TMTC2: variants seen among roughly 807,000 people sequenced by gnomAD.
TMTC2 encodes protein O-mannosyl-transferase TMTC2.
Under a neutral mutation model 82.4 loss-of-function variants are expected in TMTC2, and 43 were observed. The observed-to-expected ratio is 0.52, with a 90% CI of 0.41 to 0.67. The LOEUF (loss-of-function observed/expected upper bound fraction) is 0.67, where lower values mean the gene tolerates loss of function less well. Ranked by LOEUF, TMTC2 falls within the 30% of genes least tolerant of loss-of-function variation. The pLI, the probability that TMTC2 is intolerant of heterozygous loss-of-function variation, is 0.00. For missense variants in TMTC2, 919 were observed against 1,012.4 expected (o/e 0.91, Z 1.25); for synonymous variants, 408 against 381.9 (o/e 1.07, Z -0.80).
intron 9 of TMTC2, among the ~76,000 whole-genome samples, chr12:83,035,552 G>T (rs147979306): frequency 1.3e-5 from 2 of 152,158 alleles, no homozygotes; most frequent in Non-Finnish European, 2.9e-5. Context: ...TAAGGAATGC[G>T]TAGAAAATAG....
chr12:82,917,565 C>G (rs1374488613), intron 3 of TMTC2, among the ~76,000 whole-genome samples: 6 of 152,012 alleles, frequency 3.9e-5, no homozygotes, highest in Admixed American at 2.0e-4. Flanking sequence ...TATGCATACA[C>G]AAGTCTAGCT....
intron 1 of TMTC2, among the ~76,000 whole-genome samples, chr12:82,702,335 C>T (rs1396020947): frequency 1.3e-5 from 2 of 151,938 alleles, no homozygotes; most frequent in Admixed American, 1.3e-4. Flanking sequence ...AAGTGGAAAG[C>T]TCCTAAAAAG....
At chr12:82,972,284 C>A (rs1156784637) in intron 7 of TMTC2, among the ~76,000 whole-genome samples, 1 of 151,968 alleles carries the variant, frequency 6.6e-6, no homozygotes, top group Non-Finnish European at 1.5e-5. Flanking sequence ...TTATGATAAT[C>A]TCTTGTTTTA....
intron 1 of TMTC2, among the ~76,000 whole-genome samples, chr12:82,789,699 C>T (rs1878362495): frequency 6.6e-6 from 1 of 152,120 alleles, no homozygotes; most frequent in Non-Finnish European, 1.5e-5. Context: ...AGGAAGAATC[C>T]TAACTGATGG....
At chr12:82,788,695 C>G (rs973269181) in intron 1 of TMTC2, among the ~76,000 whole-genome samples, 2 of 152,166 alleles carry the variant, frequency 1.3e-5, no homozygotes, top group African/African-American at 4.8e-5. Context: ...CTTTTCATCT[C>G]TGGAGAATGT....
At chr12:83,040,466 A>G (rs1022966113) in intron 9 of TMTC2, among the ~76,000 whole-genome samples, 2 of 152,142 alleles carry the variant, frequency 1.3e-5, no homozygotes, top group East Asian at 3.9e-4. Flanking sequence ...GAGGCAAGGC[A>G]CCAGACCTCA....
chr12:82,852,628 G>A (rs997119401), intron 1 of TMTC2, among the ~76,000 whole-genome samples: 2 of 152,046 alleles, frequency 1.3e-5, no homozygotes, highest in African/African-American at 4.8e-5. Flanking sequence ...TTTGAGTCAA[G>A]GTGTTTCATT....
chr12:82,720,476 C>A (rs933533461), intron 1 of TMTC2, among the ~76,000 whole-genome samples: 4 of 152,110 alleles, frequency 2.6e-5, no homozygotes, highest in African/African-American at 7.2e-5. Flanking sequence ...TAAATATTTT[C>A]ATCAGCTGAT....
intron 4 of TMTC2, among the ~76,000 whole-genome samples, chr12:82,959,344 A>G (rs1877787195): frequency 6.6e-6 from 1 of 152,170 alleles, no homozygotes; most frequent in African/African-American, 2.4e-5. Context: ...ATATGGAACC[A>G]GAAAAGAGCC....
chr12:82,964,793 A>G (rs1565830925), intron 4 of TMTC2, among the ~76,000 whole-genome samples: 2 of 152,156 alleles, frequency 1.3e-5, no homozygotes, highest in Admixed American at 1.3e-4. Flanking sequence ...AAAGGCTTTT[A>G]GAAAATACCT....
intron 8 of TMTC2, among the ~76,000 whole-genome samples, chr12:82,993,809 A>G (rs1879500108): frequency 6.6e-6 from 1 of 152,194 alleles, no homozygotes; most frequent in African/African-American, 2.4e-5. Context: ...GACATTAATG[A>G]GTGTAGAAAG....
chr12:83,082,744 AAAG>A (rs1231998414), intron 11 of TMTC2, among the ~76,000 whole-genome samples: 1 of 152,234 alleles, frequency 6.6e-6, no homozygotes, highest in East Asian at 1.9e-4. Flanking sequence ...AACACTTCAC[AAAG>A]AAACTGGGTT....
intron 1 of TMTC2, among the ~76,000 whole-genome samples, chr12:82,710,340 T>C (rs1230511810): frequency 6.6e-6 from 1 of 152,230 alleles, no homozygotes; most frequent in Non-Finnish European, 1.5e-5. Flanking sequence ...GCTTCCAACA[T>C]AGATGCCTTG....
At chr12:82,740,281 T>C (rs1875331940) in intron 1 of TMTC2, among the ~76,000 whole-genome samples, 1 of 152,208 alleles carries the variant, frequency 6.6e-6, no homozygotes, top group Non-Finnish European at 1.5e-5. Context: ...GGTTTTCATT[T>C]GTTGAGCAAA....
intron 2 of TMTC2, among the ~76,000 whole-genome samples, chr12:82,874,556 A>T (rs1194681155): frequency 6.6e-6 from 1 of 152,132 alleles, no homozygotes; most frequent in Non-Finnish European, 1.5e-5. Flanking sequence ...AGGCCAGGTA[A>T]TTTATTGCAA....
intron 8 of TMTC2, among the ~76,000 whole-genome samples, chr12:83,005,129 G>A (rs1351728766): frequency 6.6e-6 from 1 of 150,898 alleles, no homozygotes; most frequent in African/African-American, 2.4e-5. Flanking sequence ...ACTTGAACTC[G>A]GGAGGCGGAG....
At chr12:82,812,686 T>C (rs1868466865) in intron 1 of TMTC2, among the ~76,000 whole-genome samples, 1 of 152,088 alleles carries the variant, frequency 6.6e-6, no homozygotes, top group African/African-American at 2.4e-5. Flanking sequence ...ATTAAACACA[T>C]TAGATTTTTA....
intron 1 of TMTC2, among the ~76,000 whole-genome samples, chr12:82,699,729 CT>C (rs1872983063): frequency 6.6e-6 from 1 of 152,022 alleles, no homozygotes; most frequent in African/African-American, 2.4e-5. Context: ...TAAAAAATGT[CT>C]TTCAGAGTTT....
chr12:82,885,149 C>G (rs1873026664), intron 2 of TMTC2, among the ~76,000 whole-genome samples: 1 of 151,790 alleles, frequency 6.6e-6, no homozygotes, highest in African/African-American at 2.4e-5. Context: ...GTAATCCTCC[C>G]ACCTTGGCAT....
Sources: gnomAD v4.1 joint callset for allele counts (sites outside exome capture counted in the v4.1 genomes callset) on GRCh38, gnomAD v4.1.1 for gene constraint, MANE v1.5 for transcripts, NCBI Gene and HGNC (gene_info 2026-07-23, HGNC 2026-07-21) for gene names.